The following CPE variants were observed in gnomAD, a reference collection of about 807,000 sequenced individuals.
The protein encoded by CPE is carboxypeptidase E, also known as carbocypeptidase E.
A neutral mutation model predicts 53.5 loss-of-function variants in CPE; 17 were observed. The observed-to-expected ratio is 0.32, with a 90% CI of 0.22 to 0.48. The LOEUF (loss-of-function observed/expected upper bound fraction) is 0.48. CPE is among the 20% of genes least tolerant of loss of function. CPE has a pLI of 0.99. For synonymous variants in CPE, 226 were observed against 228.8 expected (o/e 0.99, Z 0.11); for missense variants, 524 against 614.7 (o/e 0.85, Z 1.56).
intron 1 of CPE, among the ~76,000 whole-genome samples, chr4:165,380,126 G>A (rs777573597): frequency 8.5e-5 from 13 of 152,318 alleles, no homozygotes; most frequent in Non-Finnish European, 1.8e-4. Context: ...ACTCGCTGCT[G>A]TGGATGCTTG....
rs369361305 is a variant in CPE at position 165,404,646 on chromosome 4, G to A, written c.307+25118G>A. ...CCAAGGCTTGTGGTCAGGGAATCCA[G>A]CTTCTTTGGGTCAACTCCTTCCTGG... is the stretch of plus-strand genomic sequence containing the variant. On this transcript the variant is annotated intron_variant, in intron 1 of 8. Transcript: ENST00000402744. The A allele has an allele frequency of 2.5e-5, 28 of 1,104,146 alleles. 1 individual carries two copies. The highest frequency in any genetic ancestry group is 8.4e-5 in the Admixed American group (5 of 59,220). The allele number at this position is 1,104,146 out of a possible 1,614,324, so 68.4% of individuals were successfully genotyped here. A position where few individuals can be genotyped will look rare whatever the true frequency, so the allele number is the denominator to read the frequency against.
At chr4:165,398,718 C>T (rs1730816343) in intron 1 of CPE, among the ~76,000 whole-genome samples, 1 of 152,154 alleles carries the variant, frequency 6.6e-6, no homozygotes, top group Non-Finnish European at 1.5e-5. Flanking sequence ...GCCATGGTGA[C>T]AGAACGGCTT....
At chr4:165,459,700 GTCA>G (rs1358365762) in intron 1 of CPE, among the ~76,000 whole-genome samples, 3 of 132,608 alleles carry the variant, frequency 2.3e-5, no homozygotes, top group African/African-American at 6.2e-5. Flanking sequence ...AGATCATGAG[GTCA>G]GGAGGAGTTC....
chr4:165,496,057 C>A (rs982086970), intron 8 of CPE, among the ~76,000 whole-genome samples: 1 of 151,792 alleles, frequency 6.6e-6, no homozygotes, highest in Non-Finnish European at 1.5e-5. Flanking sequence ...TAGGTGGTAA[C>A]CAAACACTTA....
At chr4:165,442,272 C>T (rs892234667) in intron 1 of CPE, among the ~76,000 whole-genome samples, 4 of 152,034 alleles carry the variant, frequency 2.6e-5, no homozygotes, top group African/African-American at 7.2e-5. Flanking sequence ...TTGAACTCCT[C>T]GGTTCAAGTG....
At chr4:165,478,824 A>G (rs1243567705) in intron 3 of CPE, among the ~76,000 whole-genome samples, 9 of 152,044 alleles carry the variant, frequency 5.9e-5, no homozygotes, top group Admixed American at 5.9e-4. Flanking sequence ...CTCAGAGAGT[A>G]TTTTCCTTAC....
At chr4:165,481,550 A>G (rs1200575298) in intron 3 of CPE, among the ~76,000 whole-genome samples, 1 of 152,138 alleles carries the variant, frequency 6.6e-6, no homozygotes, top group Non-Finnish European at 1.5e-5. Context: ...TTGGCTCCAC[A>G]TTATTTCTTT....
intron 1 of CPE, among the ~76,000 whole-genome samples, chr4:165,424,879 C>CTTTTTTTTTT (rs777344411): frequency 2.2e-5 from 3 of 137,736 alleles, no homozygotes; most frequent in Admixed American, 7.3e-5. Context: ...AAAGTAGAAA[C>CTTTTTTTTTT]TTTTTTTTTT....
In CPE at chr4:165,484,527, C is replaced by G; in HGVS notation, c.896C>G (p.Pro299Arg). 1 of 1,614,130 alleles carries G rather than the reference C, an allele frequency of 6.2e-7. No individual in the cohort carries two copies. Among genetic ancestry groups the G allele is most frequent in the Non-Finnish European group, 8.5e-7 (1 of 1,179,988 alleles). ...GCCATGTCTGACCCCAATCGGCCACCATGTCGCAAGAATGATGATGACAGC... is the reference window on the plus strand; with the variant it reads ...GCCATGTCTGACCCCAATCGGCCACGATGTCGCAAGAATGATGATGACAGC... ...NPAMSDPNRP[P>R]CRKNDDDSSF... The change falls in exon 5 of 9, where the codon CCA becomes CGA. Residue 299 changes from proline to arginine, a missense_variant. Pro to Arg is a moderately radical substitution (Grantham distance 103, BLOSUM62 -2). Transcript: ENST00000402744.
chr4:165,451,737 G>T (rs1420431765), intron 1 of CPE, among the ~76,000 whole-genome samples: 1 of 151,954 alleles, frequency 6.6e-6, no homozygotes, highest in Admixed American at 6.6e-5. Flanking sequence ...TGATCCACCC[G>T]CCTCGGCCTC....
intron 1 of CPE, among the ~76,000 whole-genome samples, chr4:165,384,472 T>C (rs541603744): frequency 1.3e-4 from 20 of 152,074 alleles, no homozygotes; most frequent in Admixed American, 2.6e-4. Context: ...AAAAATAAAA[T>C]TAGCTGGGCA....
intron 1 of CPE, among the ~76,000 whole-genome samples, chr4:165,383,078 T>C (rs1730529922): frequency 6.6e-6 from 1 of 152,186 alleles, no homozygotes; most frequent in South Asian, 2.1e-4. Context: ...GTCATTGGTC[T>C]CATCTTTTCA....
At chr4:165,392,521 G>A (rs927487977) in intron 1 of CPE, among the ~76,000 whole-genome samples, 4 of 143,254 alleles carry the variant, frequency 2.8e-5, no homozygotes, top group Non-Finnish European at 6.1e-5. Context: ...TATAATATAT[G>A]TATATATTAT....
At chr4:165,382,973 C>T (rs1730526860) in intron 1 of CPE, among the ~76,000 whole-genome samples, 1 of 152,196 alleles carries the variant, frequency 6.6e-6, no homozygotes, top group Admixed American at 6.5e-5. Context: ...GGGTCTCAGT[C>T]ATCATTTTGT....
intron 6 of CPE, among the ~76,000 whole-genome samples, chr4:165,492,427 G>C (rs1732622714): frequency 6.6e-6 from 1 of 152,154 alleles, no homozygotes; most frequent in African/African-American, 2.4e-5. Flanking sequence ...ACTAAGACTA[G>C]AACTTTACAC....
At chr4:165,397,520 G>A (rs1032057866) in intron 1 of CPE, among the ~76,000 whole-genome samples, 2 of 152,240 alleles carry the variant, frequency 1.3e-5, no homozygotes, top group Admixed American at 6.5e-5. Flanking sequence ...CCTTCTTGGG[G>A]AAATGTTCCT....
At chr4:165,453,177 C>T (rs1731842361) in intron 1 of CPE, among the ~76,000 whole-genome samples, 1 of 151,990 alleles carries the variant, frequency 6.6e-6, no homozygotes, top group African/African-American at 2.4e-5. Context: ...TCAGGCTGGT[C>T]TCGAACTCCT....
chr4:165,488,374 A>G (rs1181838226), intron 6 of CPE, among the ~76,000 whole-genome samples: 1 of 152,198 alleles, frequency 6.6e-6, no homozygotes, highest in East Asian at 1.9e-4. Context: ...AGCCATTCCA[A>G]TGTGATCCAT....
chr4:165,381,484 T>C (rs1730504232), intron 1 of CPE: 1 of 350,728 alleles, frequency 2.9e-6, no homozygotes, highest in African/African-American at 2.1e-5. Context: ...CAAAATACGT[T>C]GATTGAATTC....
Sources: gnomAD v4.1 joint callset for allele counts (sites outside exome capture counted in the v4.1 genomes callset) on GRCh38, gnomAD v4.1.1 for gene constraint, MANE v1.5 for transcripts, NCBI Gene and HGNC (gene_info 2026-07-23, HGNC 2026-07-21) for gene names.